Variants in TDRD10 observed in about 807,000 individuals in gnomAD.
TDRD10 encodes tudor domain-containing protein 10.
Under a neutral mutation model 48.0 loss-of-function variants are expected in TDRD10, and 40 were observed. That is an observed-to-expected ratio of 0.83 (90% confidence interval 0.65 to 1.09). TDRD10 has a LOEUF of 1.09. Ranked by LOEUF, TDRD10 falls within the 50% of genes least tolerant of loss-of-function variation. The probability of loss-of-function intolerance (pLI) is 0.00; values close to 1 mark genes in which losing one functional copy is unlikely to be tolerated. For missense variants in TDRD10, 378 were observed against 434.7 expected (o/e 0.87, Z 1.16); for synonymous variants, 162 against 170.4 (o/e 0.95, Z 0.38).
At chr1:154,528,071 T>C (rs1179941048) in intron 6 of TDRD10, among the ~76,000 whole-genome samples, 1 of 152,224 alleles carries the variant, frequency 6.6e-6, no homozygotes, top group East Asian at 1.9e-4. Flanking sequence ...TTTGTTTTCC[T>C]GAGGCTTACT....
intron 6 of TDRD10, among the ~76,000 whole-genome samples, chr1:154,530,287 T>A (rs1231860433): frequency 3.3e-5 from 5 of 152,216 alleles, no homozygotes; most frequent in African/African-American, 1.2e-4. Flanking sequence ...AGTGCTGGGA[T>A]TAGAGGCATG....
intron 1 of TDRD10, among the ~76,000 whole-genome samples, chr1:154,505,228 T>TA (rs1182085359): frequency 5.9e-5 from 9 of 152,366 alleles, no homozygotes; most frequent in African/African-American, 2.2e-4. Flanking sequence ...GTCTCCCTCT[T>TA]AGAGTTTGAG....
At chr1:154,520,692 C>G (rs990170169) in intron 5 of TDRD10, among the ~76,000 whole-genome samples, 6 of 152,120 alleles carry the variant, frequency 3.9e-5, no homozygotes, top group African/African-American at 1.4e-4. Flanking sequence ...AAAACCAAAC[C>G]TACTTATATT....
At chr1:154,541,109 G>T (rs531171477) in intron 6 of TDRD10, among the ~76,000 whole-genome samples, 1 of 152,156 alleles carries the variant, frequency 6.6e-6, no homozygotes, top group Non-Finnish European at 1.5e-5. Context: ...GAGCTGTGAG[G>T]TCAGTCAGAG....
At chr1:154,514,596 CA>C (rs2149318873) in intron 4 of TDRD10, among the ~76,000 whole-genome samples, 1 of 152,298 alleles carries the variant, frequency 6.6e-6, no homozygotes, top group South Asian at 2.1e-4. Context: ...CAGAACCTGG[CA>C]CCTATTGTCA....
At chr1:154,516,545 C>CT (rs2149321205) in intron 4 of TDRD10, among the ~76,000 whole-genome samples, 2 of 152,142 alleles carry the variant, frequency 1.3e-5, no homozygotes, top group Non-Finnish European at 2.9e-5. Flanking sequence ...TTCTGGGAGA[C>CT]TGGGGGGCTG....
chr1:154,517,830 T>C lies in TDRD10; in HGVS notation c.142-2474T>C, dbSNP rs189674953. Reference sequence around the variant, plus strand: ...GCTTCAGTGAACCGGCTTGTACGCATATCGGTGTGCGAGGTGCGAGTGCCT... The same window carrying C: ...GCTTCAGTGAACCGGCTTGTACGCACATCGGTGTGCGAGGTGCGAGTGCCT... On this transcript the variant is annotated intron_variant, in intron 4 of 12. Coordinates refer to ENST00000368482, the MANE Select transcript of TDRD10 (RefSeq NM_182499.4). 8.1e-4 allele frequency among the ~76,000 whole-genome samples: 123 copies of C among 152,314 alleles called. 2 individuals carry two copies. Among genetic ancestry groups the C allele is most frequent in the African/African-American group, 2.9e-3 (120 of 41,568 alleles).
chr1:154,544,403 G>T lies in TDRD10; in HGVS notation c.683G>T (p.Ser228Ile), dbSNP rs759412444. ...CACCAGAACATGCAGGCTCTGTTTA[G>T]CACCCTGGCTCAGGCGGAGGAGCAG... ...ALHQNMQALF[S>I]TLAQAEEQQP... The change falls in exon 10 of 13, where the codon AGC (serine) becomes ATC (isoleucine). Residue 228 changes from serine to isoleucine, a missense_variant. Ser to Ile is a moderately radical substitution (Grantham distance 142). This residue lies in a region of TDRD10 where 310 missense variants were observed against 323.6 expected (regional missense o/e 0.96). Coordinates refer to ENST00000368482, the MANE Select transcript of TDRD10 (RefSeq NM_182499.4). 5 of 1,596,600 alleles carry T rather than the reference G, an allele frequency of 3.1e-6. No individual in the cohort carries two copies. The African/African-American group carries it at 5.3e-5, about 17-fold the overall frequency.
chr1:154,513,858 A>G (rs1311244847), intron 4 of TDRD10, among the ~76,000 whole-genome samples: 1 of 152,160 alleles, frequency 6.6e-6, no homozygotes, highest in African/African-American at 2.4e-5. Flanking sequence ...GTCACGGAAA[A>G]ATTAAAGTAG....
rs1223055887 is a variant in TDRD10, at chr1:154,521,380, G to A, written c.270G>A (p.Leu90=). The A allele has an allele frequency of 4.3e-6, 7 of 1,614,208 alleles. No homozygotes were observed. Among genetic ancestry groups the A allele is most frequent in the Non-Finnish European group, 5.9e-6 (7 of 1,180,036 alleles). Residue 90 remains leucine, a synonymous_variant, in exon 6 of 13, where the codon CTG becomes CTA. Coordinates refer to ENST00000368482, the MANE Select transcript of TDRD10 (RefSeq NM_182499.4). ...AAGTGACACTTGCAATCCAGGAGCT[G>A]AATGGTAAACTCTTCCACAAGCGAA... ...MQKVTLAIQE[L]NGKLFHKRKL...
At position 154,528,146 on chromosome 1, in the gene TDRD10, CT is replaced by C. The variant is rs541873667; in HGVS notation, c.369+6670del. ...TGGCTTCATGCCTGTAATCCCAGCA[CT>C]TTGGGAGGCCAAGGTGAGGCCAGAA... On this transcript the variant is annotated intron_variant, in intron 6 of 12. Coordinates refer to ENST00000368482, the MANE Select transcript of TDRD10 (RefSeq NM_182499.4). 7.9e-5 allele frequency among the ~76,000 whole-genome samples: 12 copies of C among 151,496 alleles called. No homozygotes were observed. The South Asian group carries it at 2.3e-3, about 29-fold the overall frequency.
intron 5 of TDRD10, 101 bp from the exon 6 acceptor site, chr1:154,521,222 G>C: frequency 8.5e-7 from 1 of 1,180,554 alleles, no homozygotes; most frequent in Non-Finnish European, 1.2e-6. Flanking sequence ...ACTGCAGAGA[G>C]AAAGGACACT....
At chr1:154,539,713 A>G (rs1695122089) in intron 6 of TDRD10, among the ~76,000 whole-genome samples, 2 of 152,278 alleles carry the variant, frequency 1.3e-5, no homozygotes, top group Admixed American at 1.3e-4. Flanking sequence ...CTCCACGATC[A>G]AGGTAATTGT....
chr1:154,547,938 C>T lies in TDRD10; in HGVS notation c.*228C>T. ...CCCAACTTGGCATGAACATTTGAAC[C>T]AAACATAGGAAACTACCATTAGGTT... On this transcript the variant is annotated 3_prime_UTR_variant, in exon 13 of 13. Coordinates refer to ENST00000368482, the MANE Select transcript of TDRD10 (RefSeq NM_182499.4). The T allele has an allele frequency of 3.4e-6, 2 of 594,958 alleles. No individual in the cohort carries two copies. Among genetic ancestry groups the T allele is most frequent in the South Asian group, 4.2e-5 (2 of 47,062 alleles). The allele number at this position is 594,958 out of a possible 1,614,324, so 36.9% of individuals were successfully genotyped here. A position where few individuals can be genotyped will look rare whatever the true frequency, so the allele number is the denominator to read the frequency against.
chr1:154,536,765 T>C (rs1038449488), intron 6 of TDRD10, among the ~76,000 whole-genome samples: 1 of 152,234 alleles, frequency 6.6e-6, no homozygotes, highest in Non-Finnish European at 1.5e-5. Context: ...AGGCTGTGCG[T>C]GCTTCTTTGT....
rs1482728019 is a variant in TDRD10, at chr1:154,547,964, G to GA, written c.*257dup. On this transcript the variant is annotated 3_prime_UTR_variant, in exon 13 of 13. Transcript: ENST00000368482. ...AAACATAGGAAACTACCATTAGGTT[G>GA]AAAGCCTGAGGCAGCTGGGATGGTC... 1 of 567,962 alleles carries GA rather than the reference G, an allele frequency of 1.8e-6. No individual in the cohort carries two copies. The highest frequency in any genetic ancestry group is 1.9e-5 in the African/African-American group (1 of 53,210). The allele number at this position is 567,962 out of a possible 1,614,324, so 35.2% of individuals were successfully genotyped here.
intron 6 of TDRD10, among the ~76,000 whole-genome samples, chr1:154,536,250 C>A (rs1694913752): frequency 6.6e-6 from 1 of 152,166 alleles, no homozygotes; most frequent in African/African-American, 2.4e-5. Context: ...GTGGCACATG[C>A]CTGTAATCCT....
At chr1:154,509,331 AT>A (rs1194594164) in intron 4 of TDRD10, among the ~76,000 whole-genome samples, 2 of 152,152 alleles carry the variant, frequency 1.3e-5, no homozygotes, top group East Asian at 3.8e-4. Flanking sequence ...GTTGTACCTT[AT>A]TCCTTTACAC....
At chr1:154,521,527 T>A in intron 6 of TDRD10, 48 bp downstream of exon 6, 1 of 1,592,250 alleles carries the variant, frequency 6.3e-7, no homozygotes, top group Non-Finnish European at 8.6e-7. Context: ...TTTCACCCTT[T>A]AGAGCGTGGC....
Sources: allele counts gnomAD v4.1 joint callset (sites outside exome capture counted in the v4.1 genomes callset), GRCh38; gene constraint gnomAD v4.1.1; regional missense constraint gnomAD v4.1.1; transcripts MANE v1.5; gene names NCBI Gene and HGNC (gene_info 2026-07-23, HGNC 2026-07-21).